Variants in TRAM2 observed in about 807,000 individuals in gnomAD.
TRAM2 encodes the protein translocating chain-associated membrane protein 2.
A neutral mutation model predicts 51.0 loss-of-function variants in TRAM2; 12 were observed. The ratio of observed to expected loss-of-function variants is 0.24; its 90% CI spans 0.15 to 0.38. TRAM2 has a LOEUF of 0.38. TRAM2 is among the 10% of genes least tolerant of loss of function. The probability of loss-of-function intolerance (pLI) is 1.00; values close to 1 mark genes in which losing one functional copy is unlikely to be tolerated. For missense variants in TRAM2, 361 were observed against 462.0 expected, an observed-to-expected ratio of 0.78 and a Z score of 2.00; for synonymous variants, 175 against 179.4, an observed-to-expected ratio of 0.98 and a Z score of 0.20.
At chr6:52,554,546 A>T (rs1281362029) in intron 1 of TRAM2, among the ~76,000 whole-genome samples, 2 of 151,480 alleles carry the variant, frequency 1.3e-5, no homozygotes, top group Non-Finnish European at 2.9e-5. Flanking sequence ...AAAGAAAGAA[A>T]GAAAACCAAA....
chr6:52,528,125 G>A (rs1267599263), intron 2 of TRAM2, among the ~76,000 whole-genome samples: 1 of 152,194 alleles, frequency 6.6e-6, no homozygotes, highest in Non-Finnish European at 1.5e-5. Context: ...GATAAACCCA[G>A]CTTTTCTAAA....
chr6:52,505,909 G>A, intron 8 of TRAM2, 123 bp downstream of exon 8: 2 of 1,391,692 alleles, frequency 1.4e-6, no homozygotes, highest in Non-Finnish European at 2.0e-6. Context: ...AAAATAACGG[G>A]AGGGCACCAC....
intron 2 of TRAM2, chr6:52,523,016 G>A: frequency 4.5e-6 from 3 of 667,094 alleles, no homozygotes; most frequent in East Asian, 2.7e-5. Context: ...ATCTGCTTCT[G>A]AGAACTCATG....
intron 1 of TRAM2, among the ~76,000 whole-genome samples, chr6:52,561,896 C>T (rs1767508342): frequency 6.6e-6 from 1 of 152,188 alleles, no homozygotes; most frequent in Non-Finnish European, 1.5e-5. Context: ...GCGTGAGCCA[C>T]CAGGCCAGCC....
intron 2 of TRAM2, among the ~76,000 whole-genome samples, chr6:52,519,088 T>C (rs1254844029): frequency 6.6e-6 from 1 of 152,228 alleles, no homozygotes; most frequent in African/African-American, 2.4e-5. Context: ...CAGACTCGTG[T>C]TCCTCTGCTG....
chr6:52,565,555 G>A (rs1286319578), intron 1 of TRAM2, among the ~76,000 whole-genome samples: 2 of 152,140 alleles, frequency 1.3e-5, no homozygotes, highest in African/African-American at 2.4e-5. Flanking sequence ...AAGACCCCTA[G>A]ATACTAAACT....
chr6:52,505,969 C>A (rs532835969), intron 8 of TRAM2, 63 bp downstream of exon 8: 18 of 1,567,818 alleles, frequency 1.1e-5, no homozygotes, highest in Non-Finnish European at 1.4e-5. Context: ...TCCAACCATC[C>A]GGGCCTCGGG....
At chr6:52,535,250 C>T (rs984237490) in intron 2 of TRAM2, among the ~76,000 whole-genome samples, 2 of 152,168 alleles carry the variant, frequency 1.3e-5, no homozygotes, top group African/African-American at 2.4e-5. Flanking sequence ...AGGAGCTGCA[C>T]AAAGCACCAC....
At chr6:52,573,752 A>T (rs1767718791) in intron 1 of TRAM2, among the ~76,000 whole-genome samples, 1 of 152,290 alleles carries the variant, frequency 6.6e-6, no homozygotes, top group African/African-American at 2.4e-5. Flanking sequence ...TAACGGGGAA[A>T]CAGAAGCCCC....
intron 8 of TRAM2, 43 bp from the exon 9 acceptor site, chr6:52,505,785 T>G: frequency 6.4e-7 from 1 of 1,559,330 alleles, no homozygotes; most frequent in Non-Finnish European, 8.7e-7. Flanking sequence ...TTTAGCGCCC[T>G]TGAAGGAATC....
intron 1 of TRAM2, among the ~76,000 whole-genome samples, chr6:52,544,126 A>G (rs1767154055): frequency 6.6e-6 from 1 of 152,208 alleles, no homozygotes; most frequent in Non-Finnish European, 1.5e-5. Context: ...AGCAGGGTGA[A>G]GCCATCTCCG....
At chr6:52,506,220 CCT>C (rs1404297154) in intron 7 of TRAM2, 84 bp from the exon 8 acceptor site, 4 of 1,286,854 alleles carry the variant, frequency 3.1e-6, no homozygotes, top group Non-Finnish European at 4.5e-6. Context: ...CAGGCTGTCC[CCT>C]GTGCCTGGCT....
intron 1 of TRAM2, among the ~76,000 whole-genome samples, chr6:52,549,196 C>T (rs79071015): frequency 0.011 from 1,739 of 152,128 alleles, 26 homozygotes; most frequent in African/African-American, 0.038. Flanking sequence ...ATGGAAGAAA[C>T]GATATCTGGC....
At chr6:52,533,330 T>C (rs1450657898) in intron 2 of TRAM2, among the ~76,000 whole-genome samples, 1 of 152,196 alleles carries the variant, frequency 6.6e-6, no homozygotes, top group Non-Finnish European at 1.5e-5. Context: ...TCTCTGTTAT[T>C]AGGATTTTCA....
At chr6:52,554,484 C>T (rs1161294219) in intron 1 of TRAM2, among the ~76,000 whole-genome samples, 2 of 94,136 alleles carry the variant, frequency 2.1e-5, no homozygotes, top group Admixed American at 1.9e-4. Flanking sequence ...CATGTCACTG[C>T]ACTCCAGCCT....
chr6:52,508,051 G>C (rs1463077331), intron 6 of TRAM2, among the ~76,000 whole-genome samples, 183 bp downstream of exon 6: 1 of 152,204 alleles, frequency 6.6e-6, no homozygotes, highest in African/African-American at 2.4e-5. Flanking sequence ...GACTGACACT[G>C]GTGGTCAACT....
chr6:52,558,095 C>T (rs998888649), intron 1 of TRAM2, among the ~76,000 whole-genome samples: 4 of 152,180 alleles, frequency 2.6e-5, no homozygotes, highest in Non-Finnish European at 4.4e-5. Context: ...TTCTCCTGCC[C>T]TACCCCCACC....
chr6:52,530,037 AT>A (rs1184719561), intron 2 of TRAM2, among the ~76,000 whole-genome samples: 2 of 152,208 alleles, frequency 1.3e-5, no homozygotes, highest in Non-Finnish European at 2.9e-5. Context: ...GGCCAGTTAA[AT>A]TTGAATTTCA....
At chr6:52,565,429 G>A (rs746810071) in intron 1 of TRAM2, among the ~76,000 whole-genome samples, 10 of 152,072 alleles carry the variant, frequency 6.6e-5, no homozygotes, top group Non-Finnish European at 2.9e-5. Flanking sequence ...CTTCGGTTCC[G>A]GTATAAACAC....
Sources: gnomAD v4.1 joint callset for allele counts (sites outside exome capture counted in the v4.1 genomes callset) on GRCh38, gnomAD v4.1.1 for gene constraint, MANE v1.5 for transcripts, NCBI Gene and HGNC (gene_info 2026-07-23, HGNC 2026-07-21) for gene names.